Variants in ANKMY1 observed in about 807,000 individuals in gnomAD.
ANKMY1 encodes the protein ankyrin repeat and MYND domain containing 1.
A neutral mutation model predicts 102.0 loss-of-function variants in ANKMY1; 98 were observed. The ratio of observed to expected loss-of-function variants is 0.96; its 90% confidence interval spans 0.82 to 1.14. ANKMY1 has a LOEUF of 1.14. Ranked by LOEUF, ANKMY1 falls within the 50% of genes most tolerant of loss-of-function variation. The pLI is 0.00. For synonymous variants in ANKMY1, 582 were observed against 559.9 expected (o/e 1.04, Z -0.56); for missense variants, 1,330 against 1,347.6 (o/e 0.99, Z 0.20).
intron 15 of ANKMY1, among the ~76,000 whole-genome samples, chr2:240,482,998 C>T (rs1249943200): frequency 3.3e-5 from 5 of 152,194 alleles, no homozygotes; most frequent in South Asian, 2.1e-4. Context: ...ATAATTGTTA[C>T]ATCTTCCTAA....
chr2:240,469,038 C>T, the ANKMY1 span, among the ~76,000 whole-genome samples: 1 of 152,194 alleles, frequency 6.6e-6, no homozygotes, highest in South Asian at 2.1e-4. Flanking sequence ...CCAGGGGATG[C>T]AGCCTGGGGG....
downstream of ANKMY1, among the ~76,000 whole-genome samples, chr2:240,478,108 C>T (rs1194259523): frequency 2.0e-5 from 3 of 152,206 alleles, no homozygotes; most frequent in Non-Finnish European, 4.4e-5. Flanking sequence ...GGCAGCCCCT[C>T]CCCTTCCTCC....
At chr2:240,524,772 A>G (rs1322754844) in intron 7 of ANKMY1, among the ~76,000 whole-genome samples, 2 of 152,248 alleles carry the variant, frequency 1.3e-5, no homozygotes, top group Non-Finnish European at 2.9e-5. Context: ...TAAATTAAAT[A>G]TATTATTAAA....
chr2:240,477,995 C>G (rs900317136), downstream of ANKMY1, among the ~76,000 whole-genome samples: 1 of 152,106 alleles, frequency 6.6e-6, no homozygotes. Context: ...ATTGTAATCC[C>G]CAATGTGGGA....
At chr2:240,533,693 A>T (rs559907601) in intron 4 of ANKMY1, among the ~76,000 whole-genome samples, 1 of 150,638 alleles carries the variant, frequency 6.6e-6, no homozygotes, top group Non-Finnish European at 1.5e-5. Context: ...ATGACCAGTG[A>T]CAATTATTGG....
chr2:240,479,581 C>T lies in ANKMY1; in HGVS notation c.*28G>A, dbSNP rs1170401182. 1.2e-6 allele frequency: 2 copies of T among 1,613,546 alleles called. No homozygotes were observed. The highest frequency in any genetic ancestry group is 1.7e-6 in the Non-Finnish European group (2 of 1,179,700). ...GAAACCCACACAGTCCTGGGTCCTC[C>T]CCAAGCCTCGGACGTGCAGCTGCTG... On this transcript the variant is annotated 3_prime_UTR_variant, in exon 18 of 18. Coordinates refer to ENST00000401804, the MANE Select transcript of ANKMY1 (RefSeq NM_001282771.3).
intron 9 of ANKMY1, among the ~76,000 whole-genome samples, chr2:240,514,630 C>T (rs200450774): frequency 4.6e-5 from 7 of 152,234 alleles, no homozygotes; most frequent in South Asian, 4.1e-4. Flanking sequence ...ATCCTCTCCA[C>T]GAGGATGTCC....
At chr2:240,533,629 T>C (rs995721616) in intron 4 of ANKMY1, among the ~76,000 whole-genome samples, 1 of 151,932 alleles carries the variant, frequency 6.6e-6, no homozygotes, top group Non-Finnish European at 1.5e-5. Context: ...ACATTTCAAG[T>C]GCTCAGGAGA....
chr2:240,470,044 G>A, the ANKMY1 span, among the ~76,000 whole-genome samples: 18 of 152,302 alleles, frequency 1.2e-4, no homozygotes, highest in South Asian at 6.2e-4. Context: ...CAGTATACAC[G>A]CATGCACTCA....
chr2:240,520,182 T>C lies in ANKMY1; in HGVS notation c.2004+180A>G, dbSNP rs984508612. 2.0e-5 allele frequency: 18 copies of C among 905,004 alleles called. No individual in the cohort carries two copies. Among genetic ancestry groups the C allele is most frequent in the Non-Finnish European group, 3.0e-5 (17 of 558,182 alleles). 56.1% of individuals were successfully genotyped at this position (905,004 alleles called of 1,614,324 possible). A position where few individuals can be genotyped will look rare whatever the true frequency, so the allele number is the denominator to read the frequency against. On this transcript the variant is annotated intron_variant, in intron 9 of 17. Transcript: ENST00000401804. This position sits in a 1 kb window ranked among gnomAD's most constrained non-coding sequence, Gnocchi z 4.8. ...GGTGTCCAAATCCTGTCTGGGGACA[T>C]GGGTGAAAGAGCGGGCTGTGGGACC... is the stretch of plus-strand genomic sequence containing the variant.
At chr2:240,560,146 G>T (rs917172277), upstream of ANKMY1, 1 of 152,582 alleles carries the variant, frequency 6.6e-6, no homozygotes, top group African/African-American at 2.4e-5. Context: ...ATTACAAAGC[G>T]GGCCACAAAA....
At chr2:240,472,660 A>G in the ANKMY1 span, among the ~76,000 whole-genome samples, 1 of 152,030 alleles carries the variant, frequency 6.6e-6, no homozygotes, top group Non-Finnish European at 1.5e-5. Flanking sequence ...CACAAACCCC[A>G]CTGTAGACTC....
intron 15 of ANKMY1, among the ~76,000 whole-genome samples, chr2:240,486,836 C>T (rs569740304): frequency 1.2e-3 from 186 of 152,246 alleles, no homozygotes; most frequent in African/African-American, 4.3e-3. Context: ...ACTTTGAATA[C>T]GTCATCCCAC....
At chr2:240,537,715 G>A (rs1183471845) in intron 4 of ANKMY1, among the ~76,000 whole-genome samples, 1 of 152,196 alleles carries the variant, frequency 6.6e-6, no homozygotes, top group East Asian at 1.9e-4. Flanking sequence ...GTCAAATCAA[G>A]TGTAGCCTCA....
chr2:240,554,532 T>G (rs765990913), intron 3 of ANKMY1: 13 of 224,612 alleles, frequency 5.8e-5, no homozygotes, highest in Non-Finnish European at 9.7e-5. Flanking sequence ...TTCGCTGCCT[T>G]CTGCTTAAGC....
rs76003668 is a variant in ANKMY1 at position 240,555,498 on chromosome 2, C to T, written c.147-443G>A. On this transcript the variant is annotated intron_variant, in intron 2 of 17. Coordinates refer to ENST00000401804, the MANE Select transcript of ANKMY1 (RefSeq NM_001282771.3). ...CCACACATGTGGACCCATGGAAGGT[C>T]GGAAGGCAGCTCGAGAGGCAGCCAG... 195 of 180,874 alleles carry T rather than the reference C, an allele frequency of 1.1e-3. 1 individual carries two copies. The highest frequency in any genetic ancestry group is 4.2e-3 in the African/African-American group (182 of 43,088). 11.2% of individuals were successfully genotyped at this position (180,874 alleles called of 1,614,324 possible). A position where few individuals can be genotyped will look rare whatever the true frequency, so the allele number is the denominator to read the frequency against.
intron 4 of ANKMY1, among the ~76,000 whole-genome samples, chr2:240,533,535 G>T (rs1207226720): frequency 6.6e-6 from 1 of 152,128 alleles, no homozygotes; most frequent in Non-Finnish European, 1.5e-5. Context: ...AATTGTTGAT[G>T]TATCTTACAT....
intron 4 of ANKMY1, chr2:240,532,215 C>T (rs749732575): frequency 6.9e-5 from 27 of 388,798 alleles, no homozygotes; most frequent in Non-Finnish European, 1.3e-4. Flanking sequence ...AATAGGCTGA[C>T]AGCTGACTTC....
At chr2:240,550,167 C>T (rs1249464510) in intron 4 of ANKMY1, among the ~76,000 whole-genome samples, 4 of 151,754 alleles carry the variant, frequency 2.6e-5, no homozygotes, top group Non-Finnish European at 5.9e-5. Flanking sequence ...ATATATACAC[C>T]ATGGAATACT....
Sources: gnomAD v4.1 joint callset for allele counts (sites outside exome capture counted in the v4.1 genomes callset) on GRCh38, gnomAD v4.1.1 for gene constraint, Gnocchi (gnomAD v3.1) non-coding constraint, MANE v1.5 for transcripts, NCBI Gene and HGNC (gene_info 2026-07-23, HGNC 2026-07-21) for gene names.